Variants in HS2ST1 observed in about 807,000 individuals in gnomAD.
The protein encoded by HS2ST1 is heparan sulfate 2-O-sulfotransferase 1, also known as 2-O-sulfotransferase.
Under a neutral mutation model 42.9 loss-of-function variants are expected in HS2ST1, and 18 were observed. The observed-to-expected ratio is 0.42, with a 90% CI of 0.29 to 0.62. The LOEUF is 0.62. Ranked by LOEUF, HS2ST1 falls within the 20% of genes least tolerant of loss-of-function variation. HS2ST1 has a pLI of 0.21. For synonymous variants in HS2ST1, 146 were observed against 152.9 expected, an observed-to-expected ratio of 0.95 and a Z score of 0.33; for missense variants, 334 against 433.8, an observed-to-expected ratio of 0.77 and a Z score of 2.04.
chr1:87,014,606 C>A (rs888907314), intron 1 of HS2ST1, among the ~76,000 whole-genome samples: 4 of 152,142 alleles, frequency 2.6e-5, no homozygotes, highest in Admixed American at 2.6e-4. Context: ...AAACAAAAAA[C>A]CCTGACAAAT....
At chr1:87,032,138 T>A (rs1411483905) in intron 1 of HS2ST1, among the ~76,000 whole-genome samples, 1 of 152,180 alleles carries the variant, frequency 6.6e-6, no homozygotes, top group Non-Finnish European at 1.5e-5. Flanking sequence ...CTTAAATATA[T>A]CAGTTAATCA....
intron 1 of HS2ST1, among the ~76,000 whole-genome samples, chr1:86,916,340 C>T (rs1660158129): frequency 6.6e-6 from 1 of 152,022 alleles, no homozygotes; most frequent in African/African-American, 2.4e-5. Context: ...AACAAAAAAC[C>T]CTCAGCAGTG....
At chr1:87,058,915 C>G (rs990049390) in intron 1 of HS2ST1, among the ~76,000 whole-genome samples, 1 of 151,536 alleles carries the variant, frequency 6.6e-6, no homozygotes, top group East Asian at 1.9e-4. Context: ...AAAAATTAGC[C>G]AGGCGTGGTA....
intron 3 of HS2ST1, among the ~76,000 whole-genome samples, chr1:87,089,763 T>C (rs568864961): frequency 6.6e-6 from 1 of 152,202 alleles, no homozygotes; most frequent in South Asian, 2.1e-4. Flanking sequence ...ATTAAAATCA[T>C]ACTTCCTAAT....
chr1:87,041,631 T>C (rs921418604), intron 1 of HS2ST1, among the ~76,000 whole-genome samples: 2 of 152,150 alleles, frequency 1.3e-5, no homozygotes, highest in Non-Finnish European at 2.9e-5. Flanking sequence ...TCATTCTACT[T>C]TCTGCATCTA....
intron 1 of HS2ST1, among the ~76,000 whole-genome samples, chr1:86,991,580 T>C (rs977557355): frequency 2.6e-5 from 4 of 152,234 alleles, no homozygotes; most frequent in Non-Finnish European, 4.4e-5. Context: ...GAACCTAAAA[T>C]AGGTGAGGAG....
At chr1:87,098,096 A>T in intron 5 of HS2ST1, 161 bp downstream of exon 5, 1 of 1,406,398 alleles carries the variant, frequency 7.1e-7, no homozygotes, top group East Asian at 2.7e-5. Context: ...TTTTAAATGC[A>T]TTTAAAAGAT....
Position 87,107,537 on chromosome 1 carries a change from C to A in HS2ST1, c.*2841C>A, listed in dbSNP as rs181744399. ...TGTGGTTTTCTTTTTTCAGCCTTTG[C>A]GCTTTTTCAGTATTTTGACCATAGG... On this transcript the variant is annotated 3_prime_UTR_variant, in exon 7 of 7. Coordinates refer to ENST00000370550, the MANE Select transcript of HS2ST1 (RefSeq NM_012262.4). 1 of 150,902 alleles carries A rather than the reference C, an allele frequency of 6.6e-6. No individual in the cohort carries two copies. The highest frequency in any genetic ancestry group is 1.5e-5 in the Non-Finnish European group (1 of 67,704). The allele number at this position is 150,902 out of a possible 1,614,324, so 9.3% of individuals were successfully genotyped here.
intron 1 of HS2ST1, among the ~76,000 whole-genome samples, chr1:87,021,909 G>A (rs902782230): frequency 6.6e-6 from 1 of 152,130 alleles, no homozygotes; most frequent in Admixed American, 6.6e-5. Context: ...TTTATTTTAT[G>A]CCAAATTAGA....
intron 1 of HS2ST1, among the ~76,000 whole-genome samples, chr1:87,049,136 CTG>C (rs1312582761): frequency 6.6e-6 from 1 of 151,972 alleles, no homozygotes; most frequent in Admixed American, 6.5e-5. Context: ...GTTTAGCTAT[CTG>C]TGAGCTTCGT....
At chr1:86,937,792 A>G (rs56972996) in intron 1 of HS2ST1, among the ~76,000 whole-genome samples, 36,011 of 150,532 alleles carry the variant, frequency 0.24, 5,051 homozygotes, top group African/African-American at 0.39. Flanking sequence ...TCTGGTAGCT[A>G]TATTGATTTC....
chr1:87,071,910 G>A (rs747477583), intron 1 of HS2ST1, among the ~76,000 whole-genome samples: 2 of 151,932 alleles, frequency 1.3e-5, no homozygotes, highest in Non-Finnish European at 1.5e-5. Flanking sequence ...AACTATCCCC[G>A]TGCAAAGTAT....
At chr1:87,064,388 G>T (rs78181184) in intron 1 of HS2ST1, 1 of 475,150 alleles carries the variant, frequency 2.1e-6, no homozygotes, top group South Asian at 1.6e-5. Context: ...CATGTATTGT[G>T]TGCCAGTATT....
chr1:87,017,240 G>A (rs1215107783), intron 1 of HS2ST1, among the ~76,000 whole-genome samples: 1 of 152,064 alleles, frequency 6.6e-6, no homozygotes, highest in African/African-American at 2.4e-5. Context: ...AGGTTCAAGC[G>A]ATTCTCCTGT....
In HS2ST1 at chr1:87,097,818, C is replaced by A; in HGVS notation, c.589-20C>A. Reference sequence around the variant, plus strand: ...GACTTGGATTTATGGCTTACCCGTGCTGCTTTGTCTTTGTTCTAGACCTTT... The same window carrying A: ...GACTTGGATTTATGGCTTACCCGTGATGCTTTGTCTTTGTTCTAGACCTTT... On this transcript the variant is annotated intron_variant, in intron 4 of 6. Coordinates refer to ENST00000370550, the MANE Select transcript of HS2ST1 (RefSeq NM_012262.4). The A allele has an allele frequency of 6.2e-7, 1 of 1,613,388 alleles. No individual in the cohort carries two copies. Among genetic ancestry groups the A allele is most frequent in the Non-Finnish European group, 8.5e-7 (1 of 1,179,572 alleles).
intron 1 of HS2ST1, among the ~76,000 whole-genome samples, chr1:86,948,638 T>C (rs537262257): frequency 6.6e-6 from 1 of 152,210 alleles, no homozygotes; most frequent in South Asian, 2.1e-4. Flanking sequence ...CCAGTGACAT[T>C]AGAAATTAAT....
intron 1 of HS2ST1, among the ~76,000 whole-genome samples, chr1:86,923,553 C>T (rs1402822681): frequency 1.3e-5 from 2 of 152,038 alleles, no homozygotes; most frequent in Admixed American, 6.5e-5. Flanking sequence ...CCTGCCACCA[C>T]GCCTGGCCAA....
intron 1 of HS2ST1, among the ~76,000 whole-genome samples, chr1:87,060,363 T>A (rs990660221): frequency 9.9e-5 from 15 of 152,146 alleles, no homozygotes; most frequent in African/African-American, 3.4e-4. Context: ...AATATTGTAG[T>A]GCTGTATTTA....
intron 1 of HS2ST1, among the ~76,000 whole-genome samples, chr1:86,946,400 A>G (rs1030541975): frequency 6.6e-6 from 1 of 152,200 alleles, no homozygotes; most frequent in Admixed American, 6.5e-5. Context: ...ATGCTATTCT[A>G]GGATTAGAAC....
Sources: gnomAD v4.1 joint callset for allele counts (sites outside exome capture counted in the v4.1 genomes callset) on GRCh38, gnomAD v4.1.1 for gene constraint, MANE v1.5 for transcripts, NCBI Gene and HGNC (gene_info 2026-07-23, HGNC 2026-07-21) for gene names.